ADAP1: variants seen among roughly 807,000 people sequenced by gnomAD.
ADAP1 encodes the protein ArfGAP with dual PH domains 1, also known as arf-GAP with dual PH domain-containing protein 1.
Under a neutral mutation model 54.9 loss-of-function variants are expected in ADAP1, and 31 were observed. The ratio of observed to expected loss-of-function variants is 0.56; its 90% CI spans 0.42 to 0.76. ADAP1 has a LOEUF of 0.76. Among genes scored for constraint, ADAP1 ranks in the 30% least tolerant of loss-of-function variants. The probability of loss-of-function intolerance (pLI) is 0.00; values close to 1 mark genes in which losing one functional copy is unlikely to be tolerated. For synonymous variants in ADAP1, 313 were observed against 202.6 expected (o/e 1.55, Z -4.63); for missense variants, 535 against 512.4 (o/e 1.04, Z -0.42).
Position 898,648 on chromosome 7 carries a change from A to AG in ADAP1, c.*272dup. ...GGAGCCAGACTGGGCCCTGGAGGAA[A>AG]GGGGGCCCCGGGTCAGGGAGGGGCA... On this transcript the variant is annotated 3_prime_UTR_variant, in exon 11 of 11. Transcript: ENST00000265846. The AG allele has an allele frequency of 1.9e-6, 1 of 519,508 alleles. No homozygotes were observed. Among genetic ancestry groups the AG allele is most frequent in the Non-Finnish European group, 3.5e-6 (1 of 286,194 alleles). 32.2% of individuals were successfully genotyped at this position (519,508 alleles called of 1,614,324 possible). A position where few individuals can be genotyped will look rare whatever the true frequency, so the allele number is the denominator to read the frequency against.
rs1554270282 is a variant in ADAP1 at position 900,620 on chromosome 7, G to GGGGCAAAGAC, written c.649-5_649-4insGTCTTTGCCC. ...CATTGAACCAGTCCACAATCTCCTA[G>GGGGCAAAGAC]GGGCAAAGGTGGGCACAGGCTTGGG... On this transcript the variant is annotated splice_polypyrimidine_tract_variant and splice_region_variant and intron_variant, in intron 6 of 10. Transcript: ENST00000265846. 29 of 1,515,818 alleles carry GGGGCAAAGAC rather than the reference G, an allele frequency of 1.9e-5. 1 individual carries two copies. In the South Asian group the frequency reaches 3.1e-4, roughly 16 times the overall value. The allele number at this position is 1,515,818 out of a possible 1,614,324, so 93.9% of individuals were successfully genotyped here. A position where few individuals can be genotyped will look rare whatever the true frequency, so the allele number is the denominator to read the frequency against.
In ADAP1 at chr7:926,617, C is replaced by T. The variant is rs1029124712; in HGVS notation, c.241G>A (p.Ala81Thr). The change falls in exon 3 of 11, where the codon GCG (alanine) becomes ACG (threonine). Residue 81 changes from alanine (A) to threonine (T), a missense_variant. Ala to Thr is a moderately conservative substitution (Grantham distance 58). Coordinates refer to ENST00000265846, the MANE Select transcript of ADAP1 (RefSeq NM_006869.4). This position sits in a 1 kb window ranked among gnomAD's most constrained non-coding sequence, Gnocchi z 4.6. Reference sequence around the variant, plus strand: ...ACTTTGGACTCAAACCTGGCTCTCGCGGCGTCGTTCCCGTGGGAGGCCATG... The same window carrying T: ...ACTTTGGACTCAAACCTGGCTCTCGTGGCGTCGTTCCCGTGGGAGGCCATG... ...EFMASHGNDAARARFESKVPS... is the reference protein window; with the variant it reads ...EFMASHGNDATRARFESKVPS... 1.5e-5 allele frequency: 23 copies of T among 1,544,274 alleles called. No individual in the cohort carries two copies. Among genetic ancestry groups the T allele is most frequent in the South Asian group, 3.6e-5 (3 of 83,730 alleles).
At position 920,936 on chromosome 7, in the gene ADAP1, G is replaced by A. The variant is rs1369486668; in HGVS notation, c.306-886C>T. ...CCCTGTGGCTTCCTGCTGGGCCCAC[G>A]TGAACAGCCTTGGAGACTGGGCGGG... is the stretch of plus-strand genomic sequence containing the variant. On this transcript the variant is annotated intron_variant, in intron 3 of 10. Transcript: ENST00000265846. The surrounding 1 kb of genome is among the most constrained non-coding windows in gnomAD (Gnocchi z 4.5). 2.1e-5 allele frequency: 30 copies of A among 1,442,400 alleles called. No individual in the cohort carries two copies. In the East Asian group the frequency reaches 5.0e-4, roughly 24 times the overall value. The allele number at this position is 1,442,400 out of a possible 1,614,324, so 89.4% of individuals were successfully genotyped here.
intron 4 of ADAP1, among the ~76,000 whole-genome samples, chr7:912,055 G>A (rs1381225629): frequency 1.3e-5 from 2 of 152,210 alleles, no homozygotes; most frequent in African/African-American, 4.8e-5. Context: ...ATATGGACGG[G>A]GAAACCGAGG....
At chr7:939,908 G>T (rs1457963202) in intron 1 of ADAP1, among the ~76,000 whole-genome samples, 6 of 151,870 alleles carry the variant, frequency 4.0e-5, no homozygotes, top group African/African-American at 1.5e-4. Context: ...GCCCAAGAAG[G>T]GCTTGTAAGT....
chr7:906,698 G>C lies in ADAP1; in HGVS notation c.389-1526C>G, dbSNP rs1278647541. ...ATGGACAGGGGACACGGGGGACATG[G>C]ACATGGGGGACGGGACATCGGGGAC... On this transcript the variant is annotated intron_variant, in intron 4 of 10. Coordinates refer to ENST00000265846, the MANE Select transcript of ADAP1 (RefSeq NM_006869.4). 5.8e-5 allele frequency among the ~76,000 whole-genome samples: 2 copies of C among 34,276 alleles called. 1 individual carries two copies. Among genetic ancestry groups the C allele is most frequent in the Admixed American group, 6.2e-4 (2 of 3,238 alleles). The allele number at this position is 34,276 out of a possible 152,430, so 22.5% of individuals were successfully genotyped here.
chr7:935,505 T>A lies in ADAP1; in HGVS notation c.83A>T (p.Asp28Val). The A allele has an allele frequency of 6.4e-7, 1 of 1,562,980 alleles. No homozygotes were observed. Among genetic ancestry groups the A allele is most frequent in the Non-Finnish European group, 8.7e-7 (1 of 1,154,004 alleles). Residue 28 changes from aspartate to valine, a missense_variant and splice_region_variant, in exon 2 of 11, where the codon GAT becomes GTT. By Grantham distance (152) the Asp-to-Val change is radical. Coordinates refer to ENST00000265846, the MANE Select transcript of ADAP1 (RefSeq NM_006869.4). ...CAGAGTGTAGGAGGCCCAGTCGGGA[T>A]CTGCAAGGGAAAGCCGGACGTTCAC... Reference protein sequence around the residue: ...NARCADCGAPDPDWASYTLGV... With the variant: ...NARCADCGAPVPDWASYTLGV...
intron 2 of ADAP1, among the ~76,000 whole-genome samples, chr7:928,904 G>A (rs1846474291): frequency 6.6e-6 from 1 of 152,236 alleles, no homozygotes; most frequent in Non-Finnish European, 1.5e-5. Context: ...CATTCTTCGT[G>A]ACAGCTGAGA....
intron 4 of ADAP1, among the ~76,000 whole-genome samples, chr7:908,369 G>A (rs1845567568): frequency 6.6e-6 from 1 of 152,182 alleles, no homozygotes; most frequent in Non-Finnish European, 1.5e-5. Context: ...TTGGGGAGGG[G>A]ACAGCTGGTG....
chr7:952,627 G>A (rs376300934), intron 1 of ADAP1, among the ~76,000 whole-genome samples: 2 of 152,096 alleles, frequency 1.3e-5, no homozygotes, highest in Non-Finnish European at 2.9e-5. Flanking sequence ...GACAAGCAGA[G>A]CGGCCGGGTG....
rs200025782 is a variant in ADAP1, at chr7:905,166, C to A, written c.395G>T (p.Arg132Leu). The part of the protein sequence containing the change: ...EKQEPYSAGY[R>L]EGFLWKRGRD... Reference sequence around the variant, plus strand: ...GCCACGCTTCCAGAGAAAACCCTCACGGTACCCTGTGGGGGAAAGGGGACA... The same window carrying A: ...GCCACGCTTCCAGAGAAAACCCTCAAGGTACCCTGTGGGGGAAAGGGGACA... Residue 132 changes from arginine to leucine, a missense_variant, in exon 5 of 11, where the codon CGT (arginine) becomes CTT (leucine). Transcript: ENST00000265846. 1 of 1,611,380 alleles carries A rather than the reference C, an allele frequency of 6.2e-7. No homozygotes were observed. Among genetic ancestry groups the A allele is most frequent in the Admixed American group, 1.7e-5 (1 of 59,992 alleles).
At chr7:930,889 A>G (rs1846552762) in intron 2 of ADAP1, among the ~76,000 whole-genome samples, 1 of 150,754 alleles carries the variant, frequency 6.6e-6, no homozygotes, top group African/African-American at 2.4e-5. Context: ...CTGAGGCAAG[A>G]GGATCACTTG....
chr7:918,080 A>G (rs945483996), intron 4 of ADAP1, among the ~76,000 whole-genome samples: 3 of 152,134 alleles, frequency 2.0e-5, no homozygotes, highest in African/African-American at 7.2e-5. Flanking sequence ...GTGTGCGCCA[A>G]CCGTGCACAG....
intron 1 of ADAP1, among the ~76,000 whole-genome samples, chr7:954,059 T>C (rs1234785111): frequency 6.6e-6 from 1 of 152,080 alleles, no homozygotes; most frequent in African/African-American, 2.4e-5. Flanking sequence ...ATTTCCTCTT[T>C]CTGTGCGGAG....
At chr7:900,939 G>A (rs1222556760) in intron 6 of ADAP1, 1 of 558,434 alleles carries the variant, frequency 1.8e-6, no homozygotes, top group Non-Finnish European at 3.5e-6. Context: ...AGCTCACTCT[G>A]TGGCCCTGGT....
At chr7:933,002 T>G (rs1846632054) in intron 2 of ADAP1, among the ~76,000 whole-genome samples, 1 of 152,174 alleles carries the variant, frequency 6.6e-6, no homozygotes. Context: ...CCAGGCATGG[T>G]GGCTCACGCC....
intron 6 of ADAP1, chr7:900,864 A>AGCAGGGCC: frequency 1.7e-6 from 1 of 602,592 alleles, no homozygotes; most frequent in Middle Eastern, 4.2e-4. Flanking sequence ...CGAAGTCCTG[A>AGCAGGGCC]GAAGGGCCGA....
At chr7:943,978 C>G (rs1399657855) in intron 1 of ADAP1, among the ~76,000 whole-genome samples, 2 of 151,938 alleles carry the variant, frequency 1.3e-5, no homozygotes, top group Non-Finnish European at 2.9e-5. Context: ...TGCAGTGAGG[C>G]AATCATGGCT....
At chr7:939,090 C>G (rs1473248136) in intron 1 of ADAP1, among the ~76,000 whole-genome samples, 1 of 152,186 alleles carries the variant, frequency 6.6e-6, no homozygotes, top group Admixed American at 6.5e-5. Context: ...CGTGGACCAG[C>G]TGCCTGTTGT....
Sources: allele counts gnomAD v4.1 joint callset (sites outside exome capture counted in the v4.1 genomes callset), GRCh38; gene constraint gnomAD v4.1.1; non-coding constraint Gnocchi (gnomAD v3.1); transcripts MANE v1.5; gene names NCBI Gene and HGNC (gene_info 2026-07-23, HGNC 2026-07-21).